ZNF362: variants seen among roughly 807,000 people sequenced by gnomAD.
ZNF362 encodes the protein rotund homolog.
ZNF362 carries 11 observed loss-of-function variants against 42.9 expected under a neutral mutation model. That is an observed-to-expected ratio of 0.26 (90% CI 0.16 to 0.42). The LOEUF (loss-of-function observed/expected upper bound fraction) is 0.42. ZNF362 is among the 20% of genes least tolerant of loss of function. The pLI, the probability that ZNF362 is intolerant of heterozygous loss-of-function variation, is 1.00. For synonymous variants in ZNF362, 255 were observed against 257.3 expected (o/e 0.99, Z 0.09); for missense variants, 362 against 576.2 (o/e 0.63, Z 3.81).
At chr1:33,227,999 G>C in the ZNF362 span, among the ~76,000 whole-genome samples, 1 of 152,138 alleles carries the variant, frequency 6.6e-6, no homozygotes, top group Non-Finnish European at 1.5e-5. Context: ...TTGTGAAAAG[G>C]GCTCAGGTTT....
the ZNF362 span, chr1:33,159,833 G>A: frequency 3.1e-5 from 50 of 1,613,616 alleles, no homozygotes; most frequent in African/African-American, 1.2e-4. This position sits in a 1 kb window ranked among gnomAD's most constrained non-coding sequence, Gnocchi z 4.2. Flanking sequence ...GTCAGCGTGC[G>A]GGCCGTGTCC....
rs1236267067 is a variant in ZNF362 at position 33,270,454 on chromosome 1, GTTATTA to G, written c.-88-30_-88-25del. The G allele has an allele frequency of 2.7e-5, 17 of 638,986 alleles. No homozygotes were observed. The African/African-American group carries it at 2.9e-4, about 11-fold the overall frequency. The allele number at this position is 638,986 out of a possible 1,614,324, so 39.6% of individuals were successfully genotyped here. Reference sequence around the variant, plus strand: ...CTGGCACTTTACTATTATTATTATTGTTATTATTGTTATTGTTATTCCCATATACAA... The same window carrying G: ...CTGGCACTTTACTATTATTATTATTGTTGTTATTGTTATTCCCATATACAA... On this transcript the variant is annotated intron_variant, in intron 1 of 8. Transcript: ENST00000539719.
At chr1:33,243,217 G>A in the ZNF362 span, among the ~76,000 whole-genome samples, 1 of 151,884 alleles carries the variant, frequency 6.6e-6, no homozygotes, top group East Asian at 1.9e-4. Context: ...GTGCAGTGGC[G>A]CTATCTTGGC....
chr1:33,145,799 G>C, the ZNF362 span: 88 of 466,196 alleles, frequency 1.9e-4, no homozygotes, highest in Middle Eastern at 1.6e-3. Context: ...AGTTCTTCAC[G>C]ATTGGATGCT....
At position 33,280,426 on chromosome 1, in the gene ZNF362, G is replaced by A; in HGVS notation, c.652G>A (p.Gly218Ser). ...AGTCCCCTATCCCATCCTGGCCTCG[G>A]GCGAGACTGCCAAGGAGGGCAAGAC... ...LVVPYPILAS[G>S]ETAKEGKTYR... The change falls in exon 5 of 9, where the codon GGC becomes AGC. Residue 218 changes from glycine (G) to serine (S), a missense_variant. By Grantham distance (56) the Gly-to-Ser change is moderately conservative (BLOSUM62 0). Around this residue, in one of 3 missense-constraint regions of ZNF362, gnomAD observed 266 missense variants for 365.4 expected, o/e 0.73. Coordinates refer to ENST00000539719, the MANE Select transcript of ZNF362 (RefSeq NM_152493.3). This position sits in a 1 kb window ranked among gnomAD's most constrained non-coding sequence, Gnocchi z 5.6. The A allele has an allele frequency of 6.2e-7, 1 of 1,608,546 alleles. No individual in the cohort carries two copies.
the ZNF362 span, among the ~76,000 whole-genome samples, chr1:33,230,723 G>A: frequency 5.5e-4 from 84 of 152,334 alleles, no homozygotes; most frequent in East Asian, 0.014. Context: ...TGGAAGCTGC[G>A]GCTGGGCTGC....
chr1:33,287,894 C>T (rs1191761993), intron 6 of ZNF362, among the ~76,000 whole-genome samples: 2 of 152,076 alleles, frequency 1.3e-5, no homozygotes, highest in Non-Finnish European at 2.9e-5. Context: ...AGGGGGAATC[C>T]TCTCAAGGAA....
At chr1:33,152,454 C>T in the ZNF362 span, among the ~76,000 whole-genome samples, 1 of 152,152 alleles carries the variant, frequency 6.6e-6, no homozygotes, top group African/African-American at 2.4e-5. Context: ...GTAATCCCAG[C>T]TACTTGGGAG....
chr1:33,218,972 CACACACACAT>C, the ZNF362 span, among the ~76,000 whole-genome samples: 1,826 of 149,964 alleles, frequency 0.012, 19 homozygotes, highest in Non-Finnish European at 0.02. Flanking sequence ...CACACACACA[CACACACACAT>C]ACACCACCCC....
At chr1:33,260,313 G>A (rs1260819129) in intron 1 of ZNF362, among the ~76,000 whole-genome samples, 4 of 152,120 alleles carry the variant, frequency 2.6e-5, no homozygotes, top group Admixed American at 6.5e-5. Flanking sequence ...TTGGCTCCCC[G>A]CATCCCATTG....
the ZNF362 span, chr1:33,146,455 T>A: frequency 1.3e-5 from 2 of 159,176 alleles, no homozygotes; most frequent in Non-Finnish European, 2.8e-5. Context: ...CTGCAGTTGC[T>A]TTTAGGCTAA....
At chr1:33,276,075 G>C (rs199560165) in intron 2 of ZNF362, 25 bp from the exon 3 acceptor site, 1 of 1,613,668 alleles carries the variant, frequency 6.2e-7, no homozygotes, top group East Asian at 2.2e-5. Context: ...CTCTCTTCCC[G>C]GTGACAGTCG....
At chr1:33,288,743 C>CAAAGAAAAAAA (rs1646051099) in intron 6 of ZNF362, among the ~76,000 whole-genome samples, 1 of 27,372 alleles carries the variant, frequency 3.7e-5, no homozygotes, top group African/African-American at 1.3e-4. Context: ...GACTCTGTCT[C>CAAAGAAAAAAA]AAAAAAAAAA....
chr1:33,191,112 A>G, the ZNF362 span, among the ~76,000 whole-genome samples: 5 of 152,262 alleles, frequency 3.3e-5, no homozygotes, highest in Non-Finnish European at 7.3e-5. Context: ...TGGGCATGGT[A>G]TCTGCTTTTG....
At chr1:33,161,335 G>A in the ZNF362 span, among the ~76,000 whole-genome samples, 2 of 152,198 alleles carry the variant, frequency 1.3e-5, no homozygotes, top group Admixed American at 6.5e-5. The surrounding 1 kb of genome is among the most constrained non-coding windows in gnomAD (Gnocchi z 4.3). Context: ...AGGACGACAC[G>A]GGCTATAGAA....
chr1:33,157,748 GTTTT>G, the ZNF362 span, among the ~76,000 whole-genome samples: 1 of 145,398 alleles, frequency 6.9e-6, no homozygotes, highest in Non-Finnish European at 1.5e-5. Flanking sequence ...CCTATCTCAT[GTTTT>G]TTTTTTTTCT....
chr1:33,180,621 G>T, the ZNF362 span, among the ~76,000 whole-genome samples: 1 of 151,988 alleles, frequency 6.6e-6, no homozygotes, highest in Admixed American at 6.5e-5. Flanking sequence ...TCGCGACCTC[G>T]CCCTCAGTCT....
At chr1:33,130,915 A>C in the ZNF362 span, among the ~76,000 whole-genome samples, 1 of 152,190 alleles carries the variant, frequency 6.6e-6, no homozygotes, top group African/African-American at 2.4e-5. Context: ...GACATTTGGC[A>C]ATGGAGTTGG....
chr1:33,187,781 A>T, the ZNF362 span, among the ~76,000 whole-genome samples: 1 of 152,236 alleles, frequency 6.6e-6, no homozygotes, highest in East Asian at 1.9e-4. Context: ...CTCTGGTTCA[A>T]CAGAGCCTAA....
Sources: allele counts gnomAD v4.1 joint callset (sites outside exome capture counted in the v4.1 genomes callset), GRCh38; gene constraint gnomAD v4.1.1; regional missense constraint gnomAD v4.1.1; non-coding constraint Gnocchi (gnomAD v3.1); transcripts MANE v1.5; gene names NCBI Gene and HGNC (gene_info 2026-07-23, HGNC 2026-07-21).